Variants in RAB22A observed in about 807,000 individuals in gnomAD.
The protein encoded by RAB22A is ras-related protein Rab-22A.
In RAB22A, 13 loss-of-function variants were observed where a neutral mutation model predicts 30.2. The ratio of observed to expected loss-of-function variants is 0.43; its 90% CI spans 0.28 to 0.68. The LOEUF (loss-of-function observed/expected upper bound fraction) is 0.68. RAB22A is among the 30% of genes least tolerant of loss of function. The probability of loss-of-function intolerance (pLI) is 0.18; values close to 1 mark genes in which losing one functional copy is unlikely to be tolerated. For missense variants in RAB22A, 177 were observed against 246.8 expected (o/e 0.72, Z 1.89); for synonymous variants, 89 against 87.2 (o/e 1.02, Z -0.11).
At chr20:58,357,267 C>G (rs2122972246) in intron 6 of RAB22A, among the ~76,000 whole-genome samples, 1 of 152,324 alleles carries the variant, frequency 6.6e-6, no homozygotes, top group South Asian at 2.1e-4. Flanking sequence ...ACATATCCTC[C>G]TTTGTGAAGG....
rs185466207 is a variant in RAB22A at position 58,359,918 on chromosome 20, A to G, written c.*215A>G. ...ATTATGTAAAGAATCTCTAGTGTAC[A>G]AAGGGACTACATCGTTGGCTTTTGA... On this transcript the variant is annotated 3_prime_UTR_variant, in exon 7 of 7. Transcript: ENST00000244040. 1,295 of 333,644 alleles carry G rather than the reference A, an allele frequency of 3.9e-3. 3 individuals carry two copies. The highest frequency in any genetic ancestry group is 5.2e-3 in the Non-Finnish European group (943 of 181,110). The allele number at this position is 333,644 out of a possible 1,614,324, so 20.7% of individuals were successfully genotyped here. A position where few individuals can be genotyped will look rare whatever the true frequency, so the allele number is the denominator to read the frequency against.
intron 2 of RAB22A, among the ~76,000 whole-genome samples, chr20:58,312,544 A>T (rs1986250999): frequency 8.6e-6 from 1 of 116,860 alleles, no homozygotes. Flanking sequence ...GCTGGAGTGC[A>T]GTGGCGCGAT....
intron 2 of RAB22A, among the ~76,000 whole-genome samples, chr20:58,311,336 G>T (rs1254121335): frequency 2.0e-5 from 3 of 152,190 alleles, no homozygotes; most frequent in African/African-American, 7.2e-5. Flanking sequence ...ACTTCAAAAT[G>T]CAAATATGAA....
rs557696793 is a variant in RAB22A at position 58,363,473 on chromosome 20, C to T, written c.*3770C>T. 2.0e-5 allele frequency: 3 copies of T among 152,166 alleles called. No individual in the cohort carries two copies. Among genetic ancestry groups the T allele is most frequent in the Non-Finnish European group, 4.4e-5 (3 of 68,034 alleles). The allele number at this position is 152,166 out of a possible 1,614,324, so 9.4% of individuals were successfully genotyped here. A position where few individuals can be genotyped will look rare whatever the true frequency, so the allele number is the denominator to read the frequency against. ...TTGGAAATTCCTTAACTGAGCTATA[C>T]TTGGTACTTGCTCTAGAACATTTGG... On this transcript the variant is annotated 3_prime_UTR_variant, in exon 7 of 7. Coordinates refer to ENST00000244040, the MANE Select transcript of RAB22A (RefSeq NM_020673.3).
intron 6 of RAB22A, among the ~76,000 whole-genome samples, chr20:58,357,281 TGTTAA>T (rs1228473624): frequency 6.6e-6 from 1 of 152,258 alleles, no homozygotes; most frequent in Non-Finnish European, 1.5e-5. Flanking sequence ...GTGAAGGGCC[TGTTAA>T]GTCTTTTGCC....
chr20:58,364,723 ATTTTTTTTCTTTTTTT>A lies in RAB22A; in HGVS notation c.*5037_*5052del, dbSNP rs1203716455. ...AATTAAAAGCCGTAAGATAGTAATG[ATTTTTTTTCTTTTTTT>A]TTTTTTTTCTTTTTTTAGATGGAGT... On this transcript the variant is annotated 3_prime_UTR_variant, in exon 7 of 7. Transcript: ENST00000244040. 3.4e-5 allele frequency: 5 copies of A among 149,100 alleles called. No individual in the cohort carries two copies. The highest frequency in any genetic ancestry group is 9.9e-5 in the African/African-American group (4 of 40,340). The allele number at this position is 149,100 out of a possible 1,614,324, so 9.2% of individuals were successfully genotyped here. A position where few individuals can be genotyped will look rare whatever the true frequency, so the allele number is the denominator to read the frequency against.
At chr20:58,338,813 A>G (rs1986806967) in intron 2 of RAB22A, among the ~76,000 whole-genome samples, 1 of 152,198 alleles carries the variant, frequency 6.6e-6, no homozygotes, top group Non-Finnish European at 1.5e-5. Flanking sequence ...CAATCTTGGT[A>G]TTCAGTGGTG....
chr20:58,349,413 C>T (rs1207027352), intron 3 of RAB22A, among the ~76,000 whole-genome samples: 1 of 152,256 alleles, frequency 6.6e-6, no homozygotes, highest in East Asian at 1.9e-4. Context: ...AGGCAAATCG[C>T]AGAAAAGGGA....
chr20:58,347,826 A>G (rs957923339), intron 3 of RAB22A, among the ~76,000 whole-genome samples: 2 of 152,256 alleles, frequency 1.3e-5, no homozygotes, highest in African/African-American at 4.8e-5. Context: ...AGACTCCTGC[A>G]GTAGCATTGA....
chr20:58,343,743 C>A lies in RAB22A; in HGVS notation c.142C>A (p.Gln48Lys). The change falls in exon 3 of 7, where the codon CAG becomes AAG. Residue 48 changes from glutamine to lysine, a missense_variant. Gln to Lys is a moderately conservative substitution (Grantham distance 53). Coordinates refer to ENST00000244040, the MANE Select transcript of RAB22A (RefSeq NM_020673.3). ...IGASFMTKTV[Q>K]YQNELHKFLI... ...GGCATCTTTTATGACCAAGACTGTC[C>A]AGTACCAAAATGAGCTACATAAATT... 1 of 1,610,796 alleles carries A rather than the reference C, an allele frequency of 6.2e-7. No individual in the cohort carries two copies. The highest frequency in any genetic ancestry group is 8.5e-7 in the Non-Finnish European group (1 of 1,177,022).
intron 2 of RAB22A, among the ~76,000 whole-genome samples, chr20:58,322,190 G>A (rs1039211652): frequency 6.6e-6 from 1 of 152,082 alleles, no homozygotes; most frequent in Non-Finnish European, 1.5e-5. Flanking sequence ...ATTCTACTTG[G>A]TCTGATATTA....
intron 2 of RAB22A, among the ~76,000 whole-genome samples, chr20:58,316,278 C>G (rs1023789531): frequency 6.6e-6 from 1 of 152,160 alleles, no homozygotes; most frequent in African/African-American, 2.4e-5. Context: ...CAGGTCCCCT[C>G]GTTCATCTTC....
chr20:58,329,142 G>A (rs918758568), intron 2 of RAB22A, among the ~76,000 whole-genome samples: 8 of 148,714 alleles, frequency 5.4e-5, no homozygotes, highest in South Asian at 2.1e-4. Flanking sequence ...CAAGCTCCCC[G>A]TCCTGGGTTC....
chr20:58,354,233 C>T lies in RAB22A; in HGVS notation c.455C>T (p.Ala152Val), dbSNP rs373476700. ...TTTGTAGAGACCAGCGCAAAAAACG[C>T]GATAAACATAAATGAACTCTTTATA... ...AIFVETSAKN[A>V]ININELFIEI... The change falls in exon 6 of 7, where the codon GCG (alanine) becomes GTG (valine). Residue 152 changes from alanine to valine, a missense_variant. By Grantham distance (64) the Ala-to-Val change is moderately conservative (BLOSUM62 0). Coordinates refer to ENST00000244040, the MANE Select transcript of RAB22A (RefSeq NM_020673.3). The T allele has an allele frequency of 6.8e-6, 11 of 1,613,264 alleles. No homozygotes were observed. Among genetic ancestry groups the T allele is most frequent in the East Asian group, 4.5e-5 (2 of 44,874 alleles).
At chr20:58,348,346 T>G (rs1986986584) in intron 3 of RAB22A, among the ~76,000 whole-genome samples, 1 of 152,208 alleles carries the variant, frequency 6.6e-6, no homozygotes, top group South Asian at 2.1e-4. Flanking sequence ...ATCAGAACAC[T>G]AGGAAGCCTC....
At chr20:58,315,356 C>T (rs770616617) in intron 2 of RAB22A, among the ~76,000 whole-genome samples, 2 of 152,188 alleles carry the variant, frequency 1.3e-5, no homozygotes, top group African/African-American at 2.4e-5. Flanking sequence ...CACCTAGTCT[C>T]CTACAGAACT....
chr20:58,338,035 A>T (rs911987615), intron 2 of RAB22A, among the ~76,000 whole-genome samples: 11 of 150,124 alleles, frequency 7.3e-5, no homozygotes, highest in South Asian at 6.3e-4. Context: ...ATTTTTTTTT[A>T]TTTTTTTTTG....
At position 58,311,055 on chromosome 20, in the gene RAB22A, G is replaced by A; in HGVS notation, c.49G>A (p.Gly17Ser). The change falls in exon 2 of 7, where the codon GGT (glycine) becomes AGT (serine). Residue 17 changes from glycine to serine, a missense_variant. Coordinates refer to ENST00000244040, the MANE Select transcript of RAB22A (RefSeq NM_020673.3). Reference protein sequence around the residue: ...KVCLLGDTGVGKSSIVWRFVE... With the variant: ...KVCLLGDTGVSKSSIVWRFVE... ...CGTTCTCTTTCAGGATACAGGTGTA[G>A]GTAAATCGAGTATTGTGTGGCGGTT... The A allele has an allele frequency of 6.2e-7, 1 of 1,604,458 alleles. No individual in the cohort carries two copies. Among genetic ancestry groups the A allele is most frequent in the Non-Finnish European group, 8.5e-7 (1 of 1,171,208 alleles).
intron 6 of RAB22A, 63 bp downstream of exon 6, chr20:58,354,328 C>G (rs533989790): frequency 8.7e-7 from 1 of 1,152,386 alleles, no homozygotes; most frequent in African/African-American, 1.5e-5. Flanking sequence ...AATGATCTTC[C>G]TGGTTAGAAT....
Sources: allele counts gnomAD v4.1 joint callset (sites outside exome capture counted in the v4.1 genomes callset), GRCh38; gene constraint gnomAD v4.1.1; transcripts MANE v1.5; gene names NCBI Gene and HGNC (gene_info 2026-07-23, HGNC 2026-07-21).